Variants in RSPH6A observed in about 807,000 individuals in gnomAD.
RSPH6A encodes the protein radial spoke head protein 6 homolog A.
In RSPH6A, 49 loss-of-function variants were observed where a neutral mutation model predicts 66.1. The observed-to-expected ratio is 0.74, with a 90% CI of 0.59 to 0.94. The LOEUF (loss-of-function observed/expected upper bound fraction) is 0.94. Ranked by LOEUF, RSPH6A falls within the 40% of genes least tolerant of loss-of-function variation. The pLI, the probability that RSPH6A is intolerant of heterozygous loss-of-function variation, is 0.00. For missense variants in RSPH6A, 977 were observed against 948.3 expected (o/e 1.03, Z -0.40); for synonymous variants, 419 against 402.4 (o/e 1.04, Z -0.49).
chr19:45,815,233 C>A lies in RSPH6A; in HGVS notation c.-57G>T. The A allele has an allele frequency of 1.4e-6, 2 of 1,464,576 alleles. No individual in the cohort carries two copies. The highest frequency in any genetic ancestry group is 1.8e-6 in the Non-Finnish European group (2 of 1,108,428). The allele number at this position is 1,464,576 out of a possible 1,614,324, so 90.7% of individuals were successfully genotyped here. A position where few individuals can be genotyped will look rare whatever the true frequency, so the allele number is the denominator to read the frequency against. On this transcript the variant is annotated 5_prime_UTR_variant, in exon 1 of 6. Coordinates refer to ENST00000221538, the MANE Select transcript of RSPH6A (RefSeq NM_030785.4). ...AAGGCTTGCAGACAAGGAGGCCAAGCGAGAGCCACCTGTCGACACCGCCGG... is the reference window on the plus strand; with the variant it reads ...AAGGCTTGCAGACAAGGAGGCCAAGAGAGAGCCACCTGTCGACACCGCCGG...
rs200549785 is a variant in RSPH6A, at chr19:45,804,948, G to C, written c.957C>G (p.Ser319Arg). The C allele has an allele frequency of 6.4e-5, 103 of 1,614,024 alleles. No homozygotes were observed. The highest frequency in any genetic ancestry group is 7.9e-5 in the Non-Finnish European group (93 of 1,180,044). ...FYFEQAGVGLSSDESFRIFLA... is the reference protein window; with the variant it reads ...FYFEQAGVGLRSDESFRIFLA... ...GGAAAATGCGGAAGCTCTCGTCCGAGCTCAGGCCGACGCCGGCCTGCTCGA... is the reference window on the plus strand; with the variant it reads ...GGAAAATGCGGAAGCTCTCGTCCGACCTCAGGCCGACGCCGGCCTGCTCGA... Residue 319 changes from serine to arginine, a missense_variant, in exon 3 of 6, where the codon AGC becomes AGG. Coordinates refer to ENST00000221538, the MANE Select transcript of RSPH6A (RefSeq NM_030785.4). This position sits in a 1 kb window ranked among gnomAD's most constrained non-coding sequence, Gnocchi z 5.8.
At position 45,795,783 on chromosome 19, in the gene RSPH6A, C is replaced by A; in HGVS notation, c.*86G>T. ...CCCTGCCCTCTGGGGACAGGAAGCA[C>A]ATAGTGAAAATATAATCCATGCTAA... On this transcript the variant is annotated 3_prime_UTR_variant, in exon 6 of 6. Transcript: ENST00000221538. 1 of 1,219,994 alleles carries A rather than the reference C, an allele frequency of 8.2e-7. No homozygotes were observed. The allele number at this position is 1,219,994 out of a possible 1,614,324, so 75.6% of individuals were successfully genotyped here. A position where few individuals can be genotyped will look rare whatever the true frequency, so the allele number is the denominator to read the frequency against.
In RSPH6A at chr19:45,814,961, G is replaced by C. The variant is rs749680313; in HGVS notation, c.216C>G (p.Pro72=). 2.5e-5 allele frequency: 40 copies of C among 1,613,922 alleles called. No homozygotes were observed. Among genetic ancestry groups the C allele is most frequent in the Non-Finnish European group, 3.3e-5 (39 of 1,180,040 alleles). The change falls in exon 1 of 6, where the codon CCC becomes CCG. Residue 72 remains proline, a synonymous_variant. Transcript: ENST00000221538. ...SLSQQENLLM[P]QVFQAEEARL... is the part of the protein sequence containing the mutation. ...GGGCTTCCTCAGCCTGGAAGACCTG[G>C]GGCATCAGCAAGTTCTCCTGTTGGG...
Position 45,814,885 on chromosome 19 carries a change from ACT to A in RSPH6A, c.290_291del (p.Glu97ValfsTer8). Reference protein sequence around the residue: ...YPSVNTGFPSEFQPQPYSDES... With the variant: ...YPSVNTGFPSXFQPQPYSDES... ...TCATCAGAGTAAGGCTGAGGCTGGA[ACT>A]CTGAGGGAAAGCCCGTGTTCACAGA... On this transcript the variant is annotated frameshift_variant, in exon 1 of 6. Transcript: ENST00000221538. LOFTEE classifies it high-confidence loss of function. 1 of 1,613,850 alleles carries A rather than the reference ACT, an allele frequency of 6.2e-7. No homozygotes were observed. The highest frequency in any genetic ancestry group is 8.5e-7 in the Non-Finnish European group (1 of 1,179,974).
At chr19:45,797,752 C>G (rs574938412) in intron 5 of RSPH6A, among the ~76,000 whole-genome samples, 1 of 151,978 alleles carries the variant, frequency 6.6e-6, no homozygotes, top group African/African-American at 2.4e-5. Context: ...CCTGTAGTCC[C>G]AGCTACTCAG....
intron 1 of RSPH6A, among the ~76,000 whole-genome samples, chr19:45,813,087 G>A (rs1170518407): frequency 1.3e-5 from 2 of 152,046 alleles, no homozygotes; most frequent in Non-Finnish European, 1.5e-5. Flanking sequence ...GCATTGGAGG[G>A]ACACGGCCAG....
chr19:45,804,364 C>T lies in RSPH6A; in HGVS notation c.1541G>A (p.Gly514Asp), dbSNP rs751449903. ...CTCCTCGTAGGAGTCGCGCCCAGCACCACCTTCCTCCTCCTCGTCGCCCTC... is the reference window on the plus strand; with the variant it reads ...CTCCTCGTAGGAGTCGCGCCCAGCATCACCTTCCTCCTCCTCGTCGCCCTC... The part of the protein sequence containing the change: ...EEEGDEEEEG[G>D]AGRDSYEENP... The change falls in exon 3 of 6, where the codon GGT becomes GAT. Residue 514 changes from glycine to aspartate, a missense_variant. Coordinates refer to ENST00000221538, the MANE Select transcript of RSPH6A (RefSeq NM_030785.4). The surrounding 1 kb of genome is among the most constrained non-coding windows in gnomAD (Gnocchi z 5.8). 18 of 1,614,110 alleles carry T rather than the reference C, an allele frequency of 1.1e-5. No individual in the cohort carries two copies. The South Asian group carries it at 2.0e-4, about 18-fold the overall frequency.
intron 2 of RSPH6A, among the ~76,000 whole-genome samples, chr19:45,810,053 A>G (rs1036485645): frequency 6.6e-6 from 1 of 152,244 alleles, no homozygotes; most frequent in Non-Finnish European, 1.5e-5. Flanking sequence ...TCACGCCTGT[A>G]ATCCTAATAC....
At chr19:45,802,031 G>A (rs1350413301) in intron 4 of RSPH6A, 89 bp downstream of exon 4, 6 of 1,276,542 alleles carry the variant, frequency 4.7e-6, no homozygotes, top group Non-Finnish European at 6.1e-6. Flanking sequence ...GGAAGGACCG[G>A]GGAGATGGAC....
chr19:45,802,830 T>A (rs1321958558), intron 3 of RSPH6A, among the ~76,000 whole-genome samples: 4 of 150,740 alleles, frequency 2.7e-5, no homozygotes, highest in Non-Finnish European at 5.9e-5. Context: ...TTTTCTTTTT[T>A]TTTTTTGAGA....
rs142889597 is a variant in RSPH6A at position 45,799,817 on chromosome 19, C to T, written c.1916+629G>A. Among the ~76,000 whole-genome samples, 870 of 152,222 alleles carry T rather than the reference C, an allele frequency of 5.7e-3. 7 individuals carry two copies. Among genetic ancestry groups the T allele is most frequent in the African/African-American group, 0.02 (833 of 41,536 alleles). On this transcript the variant is annotated intron_variant, in intron 5 of 5. Transcript: ENST00000221538. ...ATCCTAGCACTTTGGGAGGCCAAGG[C>T]GGGCAGATCACTCGAGGTCAGGAGT...
intron 2 of RSPH6A, among the ~76,000 whole-genome samples, chr19:45,806,965 G>A (rs1195706435): frequency 6.7e-6 from 1 of 149,044 alleles, no homozygotes; most frequent in East Asian, 2.0e-4. Context: ...TCTGATCTCA[G>A]CTCACTGCAA....
Position 45,804,719 on chromosome 19 carries a change from C to T in RSPH6A, c.1186G>A (p.Glu396Lys), listed in dbSNP as rs148871208. The change falls in exon 3 of 6, where the codon GAG (glutamate) becomes AAG (lysine). Residue 396 changes from glutamate to lysine, a missense_variant. Glu to Lys is a moderately conservative substitution (Grantham distance 56, BLOSUM62 1). Transcript: ENST00000221538. This position sits in a 1 kb window ranked among gnomAD's most constrained non-coding sequence, Gnocchi z 5.8. ...GGGACGATGTCCACGGCCTTCTCCTCGTCCTCCTCGCCCTCCTCCTCGCCG... is the reference window on the plus strand; with the variant it reads ...GGGACGATGTCCACGGCCTTCTCCTTGTCCTCCTCGCCCTCCTCCTCGCCG... ...AHGEEEGEED[E>K]EKAVDIVPKS... 58 of 1,611,426 alleles carry T rather than the reference C, an allele frequency of 3.6e-5. No individual in the cohort carries two copies. The highest frequency in any genetic ancestry group is 4.8e-5 in the Non-Finnish European group (57 of 1,179,838).
rs781166353 is a variant in RSPH6A, at chr19:45,804,699, G to A, written c.1206C>T (p.Ile402=). ...GCGGCTTCCATACGGACTTAGGGAC[G>A]ATGTCCACGGCCTTCTCCTCGTCCT... ...GEEDEEKAVD[I]VPKSVWKPPP... Residue 402 remains isoleucine, a synonymous_variant, in exon 3 of 6, where the codon ATC becomes ATT. Coordinates refer to ENST00000221538, the MANE Select transcript of RSPH6A (RefSeq NM_030785.4). The surrounding 1 kb of genome is among the most constrained non-coding windows in gnomAD (Gnocchi z 5.8). 7.1e-5 allele frequency: 115 copies of A among 1,613,760 alleles called. No individual in the cohort carries two copies. The highest frequency in any genetic ancestry group is 7.3e-5 in the Non-Finnish European group (86 of 1,179,992).
intron 2 of RSPH6A, among the ~76,000 whole-genome samples, chr19:45,806,311 G>C (rs1408714751): frequency 6.6e-6 from 1 of 151,954 alleles, no homozygotes; most frequent in Admixed American, 6.6e-5. Flanking sequence ...AAGAAGGAAA[G>C]AAAGAGAAAG....
intron 4 of RSPH6A, among the ~76,000 whole-genome samples, chr19:45,801,302 G>T (rs1173436530): frequency 6.6e-6 from 1 of 152,184 alleles, no homozygotes; most frequent in African/African-American, 2.4e-5. Context: ...TTCCACTCCC[G>T]AGTTGGTCAT....
At position 45,808,321 on chromosome 19, in the gene RSPH6A, G is replaced by A. The variant is rs145097975; in HGVS notation, c.888+2282C>T. On this transcript the variant is annotated intron_variant, in intron 2 of 5. Transcript: ENST00000221538. Reference sequence around the variant, plus strand: ...CACAGCCTGTAGTCCCAGCTACTCGGGAGGCTGAGGCAGGAGAATAGCTTG... The same window carrying A: ...CACAGCCTGTAGTCCCAGCTACTCGAGAGGCTGAGGCAGGAGAATAGCTTG... Among the ~76,000 whole-genome samples, 1,337 of 152,298 alleles carry A rather than the reference G, an allele frequency of 8.8e-3. 8 individuals are homozygous for A. The highest frequency in any genetic ancestry group is 0.037 in the Middle Eastern group (11 of 294).
At position 45,795,858 on chromosome 19, in the gene RSPH6A, G is replaced by C. The variant is rs774880413; in HGVS notation, c.*11C>G. 2 of 1,463,812 alleles carry C rather than the reference G, an allele frequency of 1.4e-6. No homozygotes were observed. Among genetic ancestry groups the C allele is most frequent in the African/African-American group, 1.5e-5 (1 of 68,590 alleles). The allele number at this position is 1,463,812 out of a possible 1,614,324, so 90.7% of individuals were successfully genotyped here. A position where few individuals can be genotyped will look rare whatever the true frequency, so the allele number is the denominator to read the frequency against. On this transcript the variant is annotated 3_prime_UTR_variant, in exon 6 of 6. Coordinates refer to ENST00000221538, the MANE Select transcript of RSPH6A (RefSeq NM_030785.4). ...TCTACCTGCTTGGGGAAAGTGGCTA[G>C]AGGGTGGGCCTCAGTCATCTGTCTC...
intron 3 of RSPH6A, among the ~76,000 whole-genome samples, chr19:45,802,552 G>T (rs934267189): frequency 6.7e-6 from 1 of 148,266 alleles, no homozygotes; most frequent in Non-Finnish European, 1.5e-5. Context: ...TGTGGCCCAG[G>T]CTGGAGTGCA....
Sources: allele counts gnomAD v4.1 joint callset (sites outside exome capture counted in the v4.1 genomes callset), GRCh38; gene constraint gnomAD v4.1.1; non-coding constraint Gnocchi (gnomAD v3.1); transcripts MANE v1.5; gene names NCBI Gene and HGNC (gene_info 2026-07-23, HGNC 2026-07-21).